RYR2: variants seen among roughly 807,000 people sequenced by gnomAD.
RYR2 encodes ryanodine receptor 2.
Under a neutral mutation model 601.1 loss-of-function variants are expected in RYR2, and 227 were observed. That is an observed-to-expected ratio of 0.38 (90% CI 0.34 to 0.42). The LOEUF is 0.42. Ranked by LOEUF, RYR2 falls within the 10% of genes least tolerant of loss-of-function variation. The pLI is 1.00. For synonymous variants in RYR2, 2,223 were observed against 2,175.1 expected (o/e 1.02, Z -0.61); for missense variants, 4,646 against 6,156.5 (o/e 0.75, Z 8.21).
chr1:237,131,272 A>C (rs186912205), intron 1 of RYR2, among the ~76,000 whole-genome samples: 1 of 152,136 alleles, frequency 6.6e-6, no homozygotes, highest in Non-Finnish European at 1.5e-5. Context: ...GATCAACTCA[A>C]CTTCTCACAC....
At chr1:237,601,959 A>C in intron 34 of RYR2, 66 bp from the exon 35 acceptor site, 1 of 1,385,122 alleles carries the variant, frequency 7.2e-7, no homozygotes, top group South Asian at 1.3e-5. Flanking sequence ...TGTTGTTATA[A>C]AGAAAAACTT....
At chr1:237,782,766 G>A (rs562811296) in intron 89 of RYR2, among the ~76,000 whole-genome samples, 1 of 152,262 alleles carries the variant, frequency 6.6e-6, no homozygotes, top group East Asian at 1.9e-4. Context: ...CTAGTAACAA[G>A]TTTATCAGTT....
Position 237,610,012 on chromosome 1 carries a change from G to A in RYR2, c.4684-750G>A, listed in dbSNP as rs1677657935. Among the ~76,000 whole-genome samples, 1 of 152,020 alleles carries A rather than the reference G, an allele frequency of 6.6e-6. No homozygotes were observed. Among genetic ancestry groups the A allele is most frequent in the Non-Finnish European group, 1.5e-5 (1 of 68,012 alleles). ...GTAGTCTACAGCATGCAGTTGAGGG[G>A]GCTCTAGAGGAGAAGAAGAGATAGA... On this transcript the variant is annotated intron_variant, in intron 35 of 104. Coordinates refer to ENST00000366574, the MANE Select transcript of RYR2 (RefSeq NM_001035.3). This position sits in a 1 kb window ranked among gnomAD's most constrained non-coding sequence, Gnocchi z 4.9.
intron 1 of RYR2, among the ~76,000 whole-genome samples, chr1:237,176,391 C>G (rs982670487): frequency 6.6e-6 from 1 of 150,982 alleles, no homozygotes; most frequent in Non-Finnish European, 1.5e-5. Flanking sequence ...CTAATTACAA[C>G]TGACAGCACT....
intron 12 of RYR2, among the ~76,000 whole-genome samples, chr1:237,429,373 T>G (rs1706551513): frequency 6.6e-6 from 1 of 151,952 alleles, no homozygotes. Context: ...CTGGCCAGGG[T>G]GGGGTGGTTA....
rs1553316971 is a variant in RYR2, at chr1:237,769,739, C to CG, written c.11477-1068_11477-1067insG. ...ATTTATTTCCATTCTGTAAAAAGTT[C>CG]TTTTTTTTTTTTTTTTTAATATGTA... is the stretch of plus-strand genomic sequence containing the variant. On this transcript the variant is annotated intron_variant, in intron 84 of 104. Coordinates refer to ENST00000366574, the MANE Select transcript of RYR2 (RefSeq NM_001035.3). 2.4e-5 allele frequency among the ~76,000 whole-genome samples: 3 copies of CG among 125,204 alleles called. No individual in the cohort carries two copies. In the East Asian group the frequency reaches 7.6e-4, roughly 32 times the overall value. The allele number at this position is 125,204 out of a possible 152,430, so 82.1% of individuals were successfully genotyped here. A position where few individuals can be genotyped will look rare whatever the true frequency, so the allele number is the denominator to read the frequency against.
chr1:237,358,570 G>A (rs1348221099), intron 4 of RYR2, among the ~76,000 whole-genome samples: 1 of 151,994 alleles, frequency 6.6e-6, no homozygotes, highest in African/African-American at 2.4e-5. Flanking sequence ...TTCTCTTGCT[G>A]CAGACAAATG....
Position 237,610,093 on chromosome 1 carries a change from A to T in RYR2, c.4684-669A>T, listed in dbSNP as rs1677666389. Among the ~76,000 whole-genome samples, 1 of 152,182 alleles carries T rather than the reference A, an allele frequency of 6.6e-6. No individual in the cohort carries two copies. Among genetic ancestry groups the T allele is most frequent in the Non-Finnish European group, 1.5e-5 (1 of 68,040 alleles). On this transcript the variant is annotated intron_variant, in intron 35 of 104. Transcript: ENST00000366574. This position sits in a 1 kb window ranked among gnomAD's most constrained non-coding sequence, Gnocchi z 4.9. ...TCTTATGGTCCCATAAGAGGCAGGC[A>T]TCGGTGTTGTCAAGATCATAGATAA...
At chr1:237,827,986 C>T (rs2102922463) in intron 101 of RYR2, among the ~76,000 whole-genome samples, 1 of 140,126 alleles carries the variant, frequency 7.1e-6, no homozygotes, top group South Asian at 2.4e-4. Context: ...CAGATTTCTT[C>T]GTTTAAGTGG....
At position 237,552,834 on chromosome 1, in the gene RYR2, G is replaced by A. The variant is rs1194341496; in HGVS notation, c.3214+2143G>A. Among the ~76,000 whole-genome samples the A allele has an allele frequency of 2.0e-5, 3 of 152,000 alleles. No individual in the cohort carries two copies. In the East Asian group the frequency reaches 5.8e-4, roughly 29 times the overall value. ...ATTTTAGGTGATTATGAATAAGGCT[G>A]CTATGAATATTCATATACAAATCTT... On this transcript the variant is annotated intron_variant, in intron 27 of 104. Coordinates refer to ENST00000366574, the MANE Select transcript of RYR2 (RefSeq NM_001035.3).
At chr1:237,522,737 CA>C (rs1228973303) in intron 24 of RYR2, among the ~76,000 whole-genome samples, 11 of 152,196 alleles carry the variant, frequency 7.2e-5, no homozygotes, top group Admixed American at 6.5e-4. Flanking sequence ...TGCCTACCTA[CA>C]GGGTGCCTCA....
intron 2 of RYR2, among the ~76,000 whole-genome samples, chr1:237,277,113 C>A (rs771198761): frequency 6.6e-6 from 1 of 151,786 alleles, no homozygotes; most frequent in Non-Finnish European, 1.5e-5. Context: ...TAGCTCAATA[C>A]GATAAATCAA....
chr1:237,336,021 A>G (rs944814188), intron 3 of RYR2, among the ~76,000 whole-genome samples: 1 of 152,198 alleles, frequency 6.6e-6, no homozygotes, highest in Non-Finnish European at 1.5e-5. Context: ...GGTTCTATGT[A>G]TAGAAATTTA....
intron 15 of RYR2, among the ~76,000 whole-genome samples, chr1:237,455,773 G>T (rs1046887619): frequency 6.6e-6 from 1 of 152,016 alleles, no homozygotes; most frequent in African/African-American, 2.4e-5. Flanking sequence ...CGGCACGAAA[G>T]CAAAAAAGTA....
chr1:237,371,019 T>C (rs1700598975), intron 6 of RYR2, among the ~76,000 whole-genome samples: 2 of 151,952 alleles, frequency 1.3e-5, no homozygotes, highest in African/African-American at 2.4e-5. Context: ...TCTATACGAT[T>C]TGGAAGTTGC....
At chr1:237,368,948 C>T (rs1196873748) in intron 5 of RYR2, among the ~76,000 whole-genome samples, 3 of 151,984 alleles carry the variant, frequency 2.0e-5, no homozygotes, top group South Asian at 2.1e-4. Context: ...CTCAGCCTCC[C>T]GAGTAGCTGG....
chr1:237,071,622 T>G (rs1238211866), intron 1 of RYR2, among the ~76,000 whole-genome samples: 1 of 152,148 alleles, frequency 6.6e-6, no homozygotes, highest in Non-Finnish European at 1.5e-5. Flanking sequence ...AAACTCTTAC[T>G]CTGTGTTGGG....
intron 24 of RYR2, among the ~76,000 whole-genome samples, chr1:237,521,210 G>C (rs1344179844): frequency 6.6e-6 from 1 of 152,154 alleles, no homozygotes; most frequent in Non-Finnish European, 1.5e-5. Flanking sequence ...TATGAAGCCA[G>C]TATCACCCTG....
intron 29 of RYR2, among the ~76,000 whole-genome samples, chr1:237,577,743 G>A (rs978976009): frequency 9.9e-5 from 15 of 152,262 alleles, no homozygotes; most frequent in African/African-American, 3.6e-4. Context: ...AAAAACAGGT[G>A]ATGATGAGAG....
Sources: gnomAD v4.1 joint callset for allele counts (sites outside exome capture counted in the v4.1 genomes callset) on GRCh38, gnomAD v4.1.1 for gene constraint, Gnocchi (gnomAD v3.1) non-coding constraint, MANE v1.5 for transcripts, NCBI Gene and HGNC (gene_info 2026-07-23, HGNC 2026-07-21) for gene names.